FILIP1: variants seen among roughly 807,000 people sequenced by gnomAD.
FILIP1 encodes filamin-A-interacting protein 1.
Under a neutral mutation model 102.1 loss-of-function variants are expected in FILIP1, and 61 were observed. That is an observed-to-expected ratio of 0.60 (90% CI 0.49 to 0.74). FILIP1 has a LOEUF of 0.74. Among genes scored for constraint, FILIP1 ranks in the 30% least tolerant of loss-of-function variants. The pLI is 0.00. For synonymous variants in FILIP1, 491 were observed against 526.9 expected, an observed-to-expected ratio of 0.93 and a Z score of 0.93; for missense variants, 1,314 against 1,441.2, an observed-to-expected ratio of 0.91 and a Z score of 1.43.
intron 2 of FILIP1, among the ~76,000 whole-genome samples, chr6:75,388,988 TATG>T (rs1486339417): frequency 6.6e-6 from 1 of 152,226 alleles, no homozygotes; most frequent in African/African-American, 2.4e-5. Flanking sequence ...GCCCATTCAG[TATG>T]ATATTTGCTG....
chr6:75,377,321 G>C (rs1775780507), intron 2 of FILIP1, among the ~76,000 whole-genome samples: 2 of 152,084 alleles, frequency 1.3e-5, no homozygotes, highest in African/African-American at 4.8e-5. Context: ...GCCTTACAAG[G>C]CCTGTTTAAA....
intron 4 of FILIP1, among the ~76,000 whole-genome samples, chr6:75,327,811 A>G (rs1192034650): frequency 6.6e-6 from 1 of 152,030 alleles, no homozygotes; most frequent in East Asian, 1.9e-4. Flanking sequence ...CACCATTTTG[A>G]AATAATGGAT....
At chr6:75,381,235 A>T (rs1326752261) in intron 2 of FILIP1, among the ~76,000 whole-genome samples, 2 of 146,642 alleles carry the variant, frequency 1.4e-5, no homozygotes, top group African/African-American at 5.0e-5. Context: ...ATTAGATACA[A>T]TTTTTTTTTT....
At chr6:75,444,101 T>G (rs572645616) in intron 1 of FILIP1, among the ~76,000 whole-genome samples, 15 of 152,190 alleles carry the variant, frequency 9.9e-5, no homozygotes, top group Non-Finnish European at 1.8e-4. Flanking sequence ...TTTGTGATGG[T>G]CAATCCAATT....
intron 1 of FILIP1, among the ~76,000 whole-genome samples, chr6:75,488,525 G>A (rs753455920): frequency 2.1e-4 from 31 of 149,262 alleles, no homozygotes; most frequent in Non-Finnish European, 3.7e-4. Flanking sequence ...TATTCATTCC[G>A]CAAAGCCAGG....
intron 1 of FILIP1, among the ~76,000 whole-genome samples, chr6:75,452,713 A>G (rs1387825304): frequency 6.6e-6 from 1 of 152,254 alleles, no homozygotes; most frequent in African/African-American, 2.4e-5. Flanking sequence ...ACTATAGTAT[A>G]TAAGTAATTC....
rs140628775 is a variant in FILIP1 at position 75,487,559 on chromosome 6, C to T, written c.-7+5855G>A. On this transcript the variant is annotated intron_variant, in intron 1 of 5. Coordinates refer to ENST00000237172, the MANE Select transcript of FILIP1 (RefSeq NM_015687.5). ...TCTATGACTTGTGTGTGTGTGTGCA[C>T]GTGCGTGTGTGAAAACCTAATTTTT... Among the ~76,000 whole-genome samples, 8 of 151,092 alleles carry T rather than the reference C, an allele frequency of 5.3e-5. No homozygotes were observed. In the East Asian group the frequency reaches 1.4e-3, roughly 26 times the overall value.
At chr6:75,371,093 A>G (rs1436042634) in intron 2 of FILIP1, among the ~76,000 whole-genome samples, 1 of 152,210 alleles carries the variant, frequency 6.6e-6, no homozygotes, top group African/African-American at 2.4e-5. Flanking sequence ...AGCTGTTACT[A>G]TAGAAATTAA....
At chr6:75,386,114 C>A (rs1038038175) in intron 2 of FILIP1, 21 of 152,092 alleles carry the variant, frequency 1.4e-4, no homozygotes, top group African/African-American at 4.8e-4. Context: ...TTGTAGTTAC[C>A]AAGCTGCCAA....
intron 2 of FILIP1, among the ~76,000 whole-genome samples, chr6:75,409,436 A>T (rs946831627): frequency 2.0e-5 from 3 of 152,142 alleles, no homozygotes; most frequent in Admixed American, 2.0e-4. Flanking sequence ...TCTTGCTTCT[A>T]GCCTCACAAG....
intron 4 of FILIP1, among the ~76,000 whole-genome samples, chr6:75,340,041 A>G (rs910376036): frequency 2.0e-5 from 3 of 152,058 alleles, no homozygotes; most frequent in African/African-American, 4.8e-5. Context: ...GAAATATAGC[A>G]ATAAACTTAT....
In FILIP1 at chr6:75,441,475, C is replaced by T. The variant is rs1354170158; in HGVS notation, c.-6-26497G>A. Reference sequence around the variant, plus strand: ...CAAAACCGCCATTGTCATCATGGCCCGTTCTCAATGAGCTGTTGGGTACAC... The same window carrying T: ...CAAAACCGCCATTGTCATCATGGCCTGTTCTCAATGAGCTGTTGGGTACAC... On this transcript the variant is annotated intron_variant, in intron 1 of 5. Coordinates refer to ENST00000237172, the MANE Select transcript of FILIP1 (RefSeq NM_015687.5). Among the ~76,000 whole-genome samples, 21 of 152,032 alleles carry T rather than the reference C, an allele frequency of 1.4e-4. 1 individual carries two copies. Among genetic ancestry groups the T allele is most frequent in the Non-Finnish European group, 5.9e-5 (4 of 67,956 alleles).
intron 2 of FILIP1, among the ~76,000 whole-genome samples, chr6:75,412,897 G>A (rs1408470578): frequency 1.3e-5 from 2 of 152,022 alleles, no homozygotes; most frequent in Admixed American, 1.3e-4. Context: ...ATGATGTCTT[G>A]CACTTTTTAT....
At chr6:75,346,916 T>C (rs1250826394) in intron 4 of FILIP1, among the ~76,000 whole-genome samples, 2 of 152,198 alleles carry the variant, frequency 1.3e-5, no homozygotes, top group African/African-American at 4.8e-5. Context: ...GGCCTCTGAA[T>C]TCTAATTCCT....
At chr6:75,371,487 T>G (rs2149625113) in intron 2 of FILIP1, among the ~76,000 whole-genome samples, 1 of 152,328 alleles carries the variant, frequency 6.6e-6, no homozygotes, top group East Asian at 1.9e-4. Context: ...CATAAATTCA[T>G]ATGGAATCTC....
intron 1 of FILIP1, among the ~76,000 whole-genome samples, chr6:75,475,030 C>T (rs533122672): frequency 3.3e-5 from 5 of 152,114 alleles, no homozygotes; most frequent in African/African-American, 4.8e-5. Flanking sequence ...CATATGCCAG[C>T]ATCACGCTTC....
At chr6:75,469,586 G>T (rs916843305) in intron 1 of FILIP1, among the ~76,000 whole-genome samples, 4 of 151,976 alleles carry the variant, frequency 2.6e-5, no homozygotes, top group African/African-American at 9.7e-5. Context: ...ATGTGCATTA[G>T]CTTTTTAAAA....
At chr6:75,407,493 T>A (rs1287078648) in intron 2 of FILIP1, among the ~76,000 whole-genome samples, 1 of 152,224 alleles carries the variant, frequency 6.6e-6, no homozygotes, top group Non-Finnish European at 1.5e-5. Flanking sequence ...CCCATAGTGC[T>A]GGGATTACAG....
At chr6:75,353,812 T>C (rs1774895988) in intron 3 of FILIP1, 95 bp from the exon 4 acceptor site, 2 of 1,230,732 alleles carry the variant, frequency 1.6e-6, no homozygotes, top group Non-Finnish European at 2.3e-6. Context: ...ACTTATTACC[T>C]GAAAGCGAGA....
Sources: gnomAD v4.1 joint callset for allele counts (sites outside exome capture counted in the v4.1 genomes callset) on GRCh38, gnomAD v4.1.1 for gene constraint, MANE v1.5 for transcripts, NCBI Gene and HGNC (gene_info 2026-07-23, HGNC 2026-07-21) for gene names.